Variants in EIF5 observed in about 807,000 individuals in gnomAD.
The protein encoded by EIF5 is eukaryotic translation initiation factor 5.
In EIF5, 10 loss-of-function variants were observed where a neutral mutation model predicts 48.3. The observed-to-expected ratio is 0.21, with a 90% confidence interval of 0.13 to 0.35. The LOEUF (loss-of-function observed/expected upper bound fraction) is 0.35, where lower values mean the gene tolerates loss of function less well. Among genes scored for constraint, EIF5 ranks in the 10% least tolerant of loss-of-function variants. EIF5 has a pLI of 1.00. For synonymous variants in EIF5, 237 were observed against 173.1 expected, an observed-to-expected ratio of 1.37 and a Z score of -2.90; for missense variants, 397 against 533.2, an observed-to-expected ratio of 0.74 and a Z score of 2.51.
rs543948432 is a variant in EIF5, at chr14:103,342,837, A to G, written c.*1785A>G. 2 of 152,724 alleles carry G rather than the reference A, an allele frequency of 1.3e-5. No homozygotes were observed. Among genetic ancestry groups the G allele is most frequent in the South Asian group, 4.1e-4 (2 of 4,832 alleles). 9.5% of individuals were successfully genotyped at this position (152,724 alleles called of 1,614,324 possible). ...TTTCAAATTCTTTGCCGCAAGGCTGATCTGCTTTCATTAACTGGAATTCTG... is the reference window on the plus strand; with the variant it reads ...TTTCAAATTCTTTGCCGCAAGGCTGGTCTGCTTTCATTAACTGGAATTCTG... On this transcript the variant is annotated 3_prime_UTR_variant, in exon 12 of 12. Transcript: ENST00000216554.
At chr14:103,340,314 G>A in intron 10 of EIF5, 113 bp from the exon 11 acceptor site, 1 of 1,148,266 alleles carries the variant, frequency 8.7e-7, no homozygotes. Context: ...GATTCTGTTT[G>A]AGGATTCAGA....
At chr14:103,334,727 G>C (rs1189279273) in intron 2 of EIF5, 130 bp downstream of exon 2, 4 of 142,460 alleles carry the variant, frequency 2.8e-5, no homozygotes, top group South Asian at 4.9e-4. Context: ...GGCGCCGGCC[G>C]CCCCCTCCCC....
At position 103,344,743 on chromosome 14, in the gene EIF5, CAAT is replaced by C. The variant is rs1289789113; in HGVS notation, c.*3692_*3694del. On this transcript the variant is annotated 3_prime_UTR_variant, in exon 12 of 12. Coordinates refer to ENST00000216554, the MANE Select transcript of EIF5 (RefSeq NM_001969.5). ...CAAGTCTTTAGGAGAGTAGAAAACA[CAAT>C]TAACTAAAAAGCAGGGACATCTGAA... 4 of 152,008 alleles carry C rather than the reference CAAT, an allele frequency of 2.6e-5. No homozygotes were observed. Among genetic ancestry groups the C allele is most frequent in the Non-Finnish European group, 5.9e-5 (4 of 67,964 alleles). The allele number at this position is 152,008 out of a possible 1,614,324, so 9.4% of individuals were successfully genotyped here. A position where few individuals can be genotyped will look rare whatever the true frequency, so the allele number is the denominator to read the frequency against.
intron 6 of EIF5, 87 bp downstream of exon 6, chr14:103,337,314 T>C (rs1201496148): frequency 4.3e-6 from 5 of 1,171,448 alleles, no homozygotes; most frequent in Non-Finnish European, 6.1e-6. Context: ...GTAATAGGAA[T>C]GTAAGGGAGA....
intron 10 of EIF5, 32 bp downstream of exon 10, chr14:103,339,835 C>T (rs751865291): frequency 1.3e-6 from 2 of 1,599,486 alleles, no homozygotes; most frequent in African/African-American, 1.4e-5. Context: ...TCTTAAAGTT[C>T]ACAGGTTTTG....
rs1423770759 is a variant in EIF5, at chr14:103,341,822, T to C, written c.*770T>C. 1.3e-5 allele frequency: 2 copies of C among 152,572 alleles called. No individual in the cohort carries two copies. The highest frequency in any genetic ancestry group is 2.9e-5 in the Non-Finnish European group (2 of 68,032). The allele number at this position is 152,572 out of a possible 1,614,324, so 9.5% of individuals were successfully genotyped here. A position where few individuals can be genotyped will look rare whatever the true frequency, so the allele number is the denominator to read the frequency against. On this transcript the variant is annotated 3_prime_UTR_variant, in exon 12 of 12. Transcript: ENST00000216554. ...TAACAAGCATTTTGTGTGTACGTAG[T>C]AGTTACTTTGTACTGAGAGAACTTG...
At chr14:103,340,296 A>T in intron 10 of EIF5, 131 bp from the exon 11 acceptor site, 1 of 939,602 alleles carries the variant, frequency 1.1e-6, no homozygotes, top group Non-Finnish European at 1.6e-6. Flanking sequence ...GTGTTCACTG[A>T]GTACATTGAT....
rs1254509813 is a variant in EIF5, at chr14:103,334,542, T to A, written c.-264T>A. On this transcript the variant is annotated 5_prime_UTR_variant, in exon 2 of 12. Transcript: ENST00000216554. ...GACTCGGGTTTATATCGCGCCTCAC[T>A]TCATCCCAGTCCCGGGCGAGCAGCG... 6.6e-6 allele frequency: 1 copy of A among 151,926 alleles called. No homozygotes were observed. Among genetic ancestry groups the A allele is most frequent in the Admixed American group, 6.6e-5 (1 of 15,254 alleles). The allele number at this position is 151,926 out of a possible 1,614,324, so 9.4% of individuals were successfully genotyped here.
chr14:103,334,688 T>A (rs1243616886), intron 2 of EIF5, 91 bp downstream of exon 2: 1 of 139,286 alleles, frequency 7.2e-6, no homozygotes, highest in Admixed American at 7.1e-5. Flanking sequence ...TGGCGCAGTT[T>A]GGGCGGACGG....
rs976714569 is a variant in EIF5 at position 103,337,338 on chromosome 14, C to T, written c.439+111C>T. ...ATGTAAGGGAGACTGGGCACGGTGG[C>T]TCATGCTTGTATTCCCCGCATTTTG... On this transcript the variant is annotated intron_variant, in intron 6 of 11. Transcript: ENST00000216554. 2.6e-5 allele frequency: 24 copies of T among 907,308 alleles called. No individual in the cohort carries two copies. The East Asian group carries it at 6.5e-4, about 25-fold the overall frequency. The allele number at this position is 907,308 out of a possible 1,614,324, so 56.2% of individuals were successfully genotyped here.
intron 9 of EIF5, 55 bp downstream of exon 9, chr14:103,339,388 A>G: frequency 3.2e-6 from 5 of 1,546,764 alleles, no homozygotes; most frequent in African/African-American, 1.4e-5. Flanking sequence ...GGCTTTCGAG[A>G]TGGTCATATT....
Position 103,341,031 on chromosome 14 carries a change from C to T in EIF5, c.1275C>T (p.Asp425=). ...ETVKSDNKDD[D]IDIDAI is the part of the protein sequence containing the mutation. ...TAAAGTCAGACAACAAGGATGACGA[C>T]ATCGATATTGATGCCATTTAAAGGG... The change falls in exon 12 of 12, where the codon GAC becomes GAT. Residue 425 remains aspartate (D), a synonymous_variant. Coordinates refer to ENST00000216554, the MANE Select transcript of EIF5 (RefSeq NM_001969.5). The T allele has an allele frequency of 6.2e-7, 1 of 1,614,106 alleles. No individual in the cohort carries two copies. Among genetic ancestry groups the T allele is most frequent in the Non-Finnish European group, 8.5e-7 (1 of 1,179,964 alleles).
Position 103,338,484 on chromosome 14 carries a change from G to A in EIF5, c.585+12G>A. ...CTCCACATACAATGGTGAGTGCAGG[G>A]TTGATGGCCTAGTGGGCACTAAAGT... On this transcript the variant is annotated intron_variant, in intron 7 of 11. Coordinates refer to ENST00000216554, the MANE Select transcript of EIF5 (RefSeq NM_001969.5). 1.9e-6 allele frequency: 3 copies of A among 1,558,874 alleles called. No homozygotes were observed. The highest frequency in any genetic ancestry group is 1.2e-5 in the South Asian group (1 of 85,958).
chr14:103,340,844 C>G (rs959046419), intron 11 of EIF5, 119 bp from the exon 12 acceptor site: 6 of 1,042,034 alleles, frequency 5.8e-6, no homozygotes, highest in East Asian at 2.5e-5. Context: ...CAGAGCTGTT[C>G]CGTGAAGAAG....
chr14:103,338,439 A>G lies in EIF5; in HGVS notation c.552A>G (p.Pro184=), dbSNP rs1291828572. 3.2e-6 allele frequency: 5 copies of G among 1,587,046 alleles called. No individual in the cohort carries two copies. The highest frequency in any genetic ancestry group is 4.3e-6 in the Non-Finnish European group (5 of 1,165,918). ...SSSETPPPPP[P]PNEINPPPHT... is the part of the protein sequence containing the mutation. Reference sequence around the variant, plus strand: ...GTGAGACACCACCACCACCACCACCACCAAATGAAATTAATCCTCCTCCAC... The same window carrying G: ...GTGAGACACCACCACCACCACCACCGCCAAATGAAATTAATCCTCCTCCAC... Residue 184 remains proline, a synonymous_variant, in exon 7 of 12, where the codon CCA becomes CCG. Transcript: ENST00000216554.
rs1566725722 is a variant in EIF5, at chr14:103,344,707, AAAAT to A, written c.*3659_*3662del. 6.6e-6 allele frequency: 1 copy of A among 152,214 alleles called. No individual in the cohort carries two copies. Among genetic ancestry groups the A allele is most frequent in the Non-Finnish European group, 1.5e-5 (1 of 68,044 alleles). The allele number at this position is 152,214 out of a possible 1,614,324, so 9.4% of individuals were successfully genotyped here. A position where few individuals can be genotyped will look rare whatever the true frequency, so the allele number is the denominator to read the frequency against. On this transcript the variant is annotated 3_prime_UTR_variant, in exon 12 of 12. Transcript: ENST00000216554. ...TCTTTAAAAACGGTCAGTTAACTAAAAAATAAAAATCAAGTCTTTAGGAGAGTAG... is the reference window on the plus strand; with the variant it reads ...TCTTTAAAAACGGTCAGTTAACTAAAAAAAATCAAGTCTTTAGGAGAGTAG...
At position 103,340,978 on chromosome 14, in the gene EIF5, G is replaced by T; in HGVS notation, c.1222G>T (p.Ala408Ser). ...CTCTTAACAGGTGGTGTATTCGAAG[G>T]CTGCCAGTGTACCGAAAGTTGAGAC... ...DENIEVVYSKAASVPKVETVK... is the reference protein window; with the variant it reads ...DENIEVVYSKSASVPKVETVK... The change falls in exon 12 of 12, where the codon GCT (alanine) becomes TCT (serine). Residue 408 changes from alanine (A) to serine (S), a missense_variant. Around this residue, in one of 4 missense-constraint regions of EIF5, gnomAD observed 160 missense variants for 184.8 expected, o/e 0.87. Coordinates refer to ENST00000216554, the MANE Select transcript of EIF5 (RefSeq NM_001969.5). 1 of 1,614,118 alleles carries T rather than the reference G, an allele frequency of 6.2e-7. No individual in the cohort carries two copies. Among genetic ancestry groups the T allele is most frequent in the Non-Finnish European group, 8.5e-7 (1 of 1,179,980 alleles).
At chr14:103,337,297 T>A in intron 6 of EIF5, 70 bp downstream of exon 6, 2 of 1,334,874 alleles carry the variant, frequency 1.5e-6, no homozygotes, top group Admixed American at 2.2e-5. Flanking sequence ...AAATAGAAGG[T>A]TTTTTTGTAA....
rs1443021541 is a variant in EIF5, at chr14:103,340,412, A to T, written c.1072-15A>T. On this transcript the variant is annotated splice_polypyrimidine_tract_variant and intron_variant, in intron 10 of 11. Transcript: ENST00000216554. ...AAAATTCCTCAACTAAGAGACTTGT[A>T]CTCACATTTTTTAGGCCTCTAAGAA... 1 of 1,596,202 alleles carries T rather than the reference A, an allele frequency of 6.3e-7. No homozygotes were observed. The highest frequency in any genetic ancestry group is 2.3e-5 in the East Asian group (1 of 44,376).
Sources: allele counts gnomAD v4.1 joint callset, GRCh38; gene constraint gnomAD v4.1.1; regional missense constraint gnomAD v4.1.1; transcripts MANE v1.5; gene names NCBI Gene and HGNC (gene_info 2026-07-23, HGNC 2026-07-21).